FGR: variants seen among roughly 807,000 people sequenced by gnomAD.
The protein encoded by FGR is FGR proto-oncogene, Src family tyrosine kinase, also known as tyrosine-protein kinase Fgr.
A neutral mutation model predicts 63.2 loss-of-function variants in FGR; 26 were observed. The observed-to-expected ratio is 0.41, with a 90% CI of 0.30 to 0.57. FGR has a LOEUF of 0.57. Among genes scored for constraint, FGR ranks in the 20% least tolerant of loss-of-function variants. FGR has a pLI of 0.27. For missense variants in FGR, 511 were observed against 690.8 expected (o/e 0.74, Z 2.92); for synonymous variants, 286 against 277.7 (o/e 1.03, Z -0.30).
chr1:27,616,769 T>C lies in FGR; in HGVS notation c.682+88A>G. On this transcript the variant is annotated intron_variant, in intron 7 of 12. Transcript: ENST00000374005. The surrounding 1 kb of genome is among the most constrained non-coding windows in gnomAD (Gnocchi z 4.3). ...TTTCCGTCTGGCCAATACTGCTTGGTAGTCCCTTCCCTTCTCTGGGCCTCA... is the reference window on the plus strand; with the variant it reads ...TTTCCGTCTGGCCAATACTGCTTGGCAGTCCCTTCCCTTCTCTGGGCCTCA... 7.0e-7 allele frequency: 1 copy of C among 1,438,292 alleles called. No individual in the cohort carries two copies. Among genetic ancestry groups the C allele is most frequent in the South Asian group, 1.2e-5 (1 of 85,172 alleles). The allele number at this position is 1,438,292 out of a possible 1,614,324, so 89.1% of individuals were successfully genotyped here.
chr1:27,624,189 G>A lies in FGR; in HGVS notation c.-13-260C>T, dbSNP rs80274006. 1,900 of 430,988 alleles carry A rather than the reference G, an allele frequency of 4.4e-3. 28 individuals carry two copies. The highest frequency in any genetic ancestry group is 0.032 in the African/African-American group (1,599 of 49,892). The allele number at this position is 430,988 out of a possible 1,614,324, so 26.7% of individuals were successfully genotyped here. On this transcript the variant is annotated intron_variant, in intron 2 of 12. Coordinates refer to ENST00000374005, the MANE Select transcript of FGR (RefSeq NM_005248.3). ...ATCTCTGGGGCTGGCTTTCTACATTGGGATATTGCTATGCTTATTTGCATA... is the reference window on the plus strand; with the variant it reads ...ATCTCTGGGGCTGGCTTTCTACATTAGGATATTGCTATGCTTATTTGCATA...
rs1318291250 is a variant in FGR at position 27,614,454 on chromosome 1, C to T, written c.1225G>A (p.Asp409Asn). The change falls in exon 11 of 13, where the codon GAC becomes AAC. Residue 409 changes from aspartate (D) to asparagine (N), a missense_variant. Physicochemically the swap from Asp to Asn is conservative, Grantham distance 23. Coordinates refer to ENST00000374005, the MANE Select transcript of FGR (RefSeq NM_005248.3). ...CCTTGGCAGGGGTTGTACTCATCGT[C>T]CTTGATGAGACGCGCCAAGCCAAAG... Reference protein sequence around the residue: ...ADFGLARLIKDDEYNPCQGSK... With the variant: ...ADFGLARLIKNDEYNPCQGSK... 3 of 1,613,588 alleles carry T rather than the reference C, an allele frequency of 1.9e-6. No homozygotes were observed. The highest frequency in any genetic ancestry group is 1.7e-6 in the Non-Finnish European group (2 of 1,179,788).
chr1:27,615,852 A>AG lies in FGR; in HGVS notation c.683-9dup. On this transcript the variant is annotated splice_polypyrimidine_tract_variant and intron_variant, in intron 7 of 12. Transcript: ENST00000374005. The surrounding 1 kb of genome is among the most constrained non-coding windows in gnomAD (Gnocchi z 7.6). ...ACAGCCCGTCATTCACCTCTAGGGG[A>AG]GGGGTCATGAAGTAGAGTCACAGGT... The AG allele has an allele frequency of 6.4e-7, 1 of 1,571,680 alleles. No homozygotes were observed. Among genetic ancestry groups the AG allele is most frequent in the East Asian group, 2.3e-5 (1 of 42,862 alleles).
intron 2 of FGR, among the ~76,000 whole-genome samples, chr1:27,624,786 G>A (rs1336836347): frequency 1.3e-5 from 2 of 152,076 alleles, no homozygotes; most frequent in African/African-American, 4.8e-5. Flanking sequence ...TGTGGGAGCA[G>A]TGTGCCTGTC....
intron 1 of FGR, among the ~76,000 whole-genome samples, chr1:27,633,513 G>C (rs1053460727): frequency 6.6e-6 from 1 of 152,198 alleles, no homozygotes; most frequent in Non-Finnish European, 1.5e-5. Flanking sequence ...ACTGTGTGCT[G>C]GTCCCTGGAG....
At position 27,615,407 on chromosome 1, in the gene FGR, C is replaced by T. The variant is rs1045335779; in HGVS notation, c.1018+27G>A. The T allele has an allele frequency of 6.3e-7, 1 of 1,586,654 alleles. No individual in the cohort carries two copies. The highest frequency in any genetic ancestry group is 1.3e-5 in the African/African-American group (1 of 74,488). The stretch of plus-strand genomic sequence containing the variant: ...TCCCCTCTTAACTTCACCCCGAATC[C>T]CGCCCGACCAGGCTCCGCCTCCTGA... On this transcript the variant is annotated intron_variant, in intron 9 of 12. Transcript: ENST00000374005. This position sits in a 1 kb window ranked among gnomAD's most constrained non-coding sequence, Gnocchi z 7.6.
chr1:27,623,258 C>T (rs1208587492), intron 3 of FGR, 114 bp from the exon 4 acceptor site: 1 of 742,768 alleles, frequency 1.3e-6, no homozygotes, highest in African/African-American at 1.7e-5. Flanking sequence ...TCCTTTAGTG[C>T]TCTGGTTCCC....
chr1:27,614,365 G>C (rs757742929), intron 11 of FGR, 65 bp downstream of exon 11: 1 of 1,552,164 alleles, frequency 6.4e-7, no homozygotes. Context: ...TCCTGAGTGC[G>C]TGGGGCCCCA....
rs56363244 is a variant in FGR, at chr1:27,613,694, CAAAAAA to C, written c.1250-350_1250-345del. ...CCTGGGTGACAGTGAGACTCCATCT[CAAAAAA>C]AAAAAAAAAAAAAAAAAAGAGACAG... is the stretch of plus-strand genomic sequence containing the variant. On this transcript the variant is annotated intron_variant, in intron 11 of 12. Transcript: ENST00000374005. Among the ~76,000 whole-genome samples the C allele has an allele frequency of 3.5e-4, 26 of 74,244 alleles. No individual in the cohort carries two copies. The East Asian group carries it at 4.4e-3, about 12-fold the overall frequency. The allele number at this position is 74,244 out of a possible 152,430, so 48.7% of individuals were successfully genotyped here.
rs1169491882 is a variant in FGR at position 27,617,400 on chromosome 1, A to G, written c.429-104T>C. ...CCAAGACTCCATTTTCCCCATGTGT[A>G]AAATGGGGCTGGTACACCTGCTTCA... On this transcript the variant is annotated intron_variant, in intron 5 of 12. Transcript: ENST00000374005. The surrounding 1 kb of genome is among the most constrained non-coding windows in gnomAD (Gnocchi z 4.5). 7 of 785,560 alleles carry G rather than the reference A, an allele frequency of 8.9e-6. No individual in the cohort carries two copies. The African/African-American group carries it at 1.2e-4, about 13-fold the overall frequency. The allele number at this position is 785,560 out of a possible 1,614,324, so 48.7% of individuals were successfully genotyped here.
chr1:27,621,167 C>A (rs2089918382), intron 5 of FGR, among the ~76,000 whole-genome samples: 1 of 152,034 alleles, frequency 6.6e-6, no homozygotes, highest in Non-Finnish European at 1.5e-5. Flanking sequence ...GTTGTTTTTA[C>A]TGGGAGGCAA....
intron 1 of FGR, among the ~76,000 whole-genome samples, chr1:27,628,468 C>A (rs2090057000): frequency 6.6e-6 from 1 of 151,772 alleles, no homozygotes; most frequent in Non-Finnish European, 1.5e-5. Flanking sequence ...TGCTAGCATG[C>A]ACAAATGCGG....
At chr1:27,634,387 C>T (rs2090149400) in intron 1 of FGR, among the ~76,000 whole-genome samples, 1 of 152,182 alleles carries the variant, frequency 6.6e-6, no homozygotes, top group African/African-American at 2.4e-5. Context: ...CCTCGCGCGC[C>T]CGGCAGGAGT....
At chr1:27,618,654 G>A (rs2089860858) in intron 5 of FGR, among the ~76,000 whole-genome samples, 1 of 152,022 alleles carries the variant, frequency 6.6e-6, no homozygotes, top group South Asian at 2.1e-4. Flanking sequence ...GGGCCTCACC[G>A]CACTTGACCT....
intron 5 of FGR, among the ~76,000 whole-genome samples, chr1:27,621,273 T>C (rs2089920098): frequency 6.6e-6 from 1 of 152,192 alleles, no homozygotes; most frequent in Non-Finnish European, 1.5e-5. Flanking sequence ...GATATTTACT[T>C]TCTCTGTGCC....
intron 5 of FGR, among the ~76,000 whole-genome samples, chr1:27,619,163 C>T (rs1485015500): frequency 1.3e-5 from 2 of 152,194 alleles, no homozygotes; most frequent in Non-Finnish European, 2.9e-5. Flanking sequence ...CTTCCTTAAC[C>T]GTCTATATAG....
chr1:27,619,647 A>G (rs778589479), intron 5 of FGR, among the ~76,000 whole-genome samples: 37 of 152,278 alleles, frequency 2.4e-4, no homozygotes, highest in Non-Finnish European at 4.3e-4. Context: ...ATTCAGGGGC[A>G]TGGATTAGCA....
chr1:27,613,119 A>G lies in FGR; in HGVS notation c.1385T>C (p.Met462Thr), dbSNP rs1369354908. The change falls in exon 13 of 13, where the codon ATG (methionine) becomes ACG (threonine). Residue 462 changes from methionine (M) to threonine (T), a missense_variant. By Grantham distance (81) the Met-to-Thr change is moderately conservative. Transcript: ENST00000374005. ...CTGTTCCAACACTTCCCGTTTATTCATGCCTGAAGGATGGGTCTCTGTCAG... is the reference window on the plus strand; with the variant it reads ...CTGTTCCAACACTTCCCGTTTATTCGTGCCTGAAGGATGGGTCTCTGTCAG... The part of the protein sequence containing the change: ...ITKGRIPYPG[M>T]NKREVLEQVE... 6.2e-7 allele frequency: 1 copy of G among 1,613,822 alleles called. No homozygotes were observed. The highest frequency in any genetic ancestry group is 8.5e-7 in the Non-Finnish European group (1 of 1,179,788).
intron 1 of FGR, among the ~76,000 whole-genome samples, chr1:27,634,404 C>T (rs1357097197): frequency 2.0e-5 from 3 of 152,184 alleles, no homozygotes; most frequent in Non-Finnish European, 2.9e-5. Flanking sequence ...GAGTCCCCTG[C>T]AGCCCGGAAC....
Sources: gnomAD v4.1 joint callset for allele counts (sites outside exome capture counted in the v4.1 genomes callset) on GRCh38, gnomAD v4.1.1 for gene constraint, Gnocchi (gnomAD v3.1) non-coding constraint, MANE v1.5 for transcripts, NCBI Gene and HGNC (gene_info 2026-07-23, HGNC 2026-07-21) for gene names.